Variants in PTPRO observed in about 807,000 individuals in gnomAD.
The protein encoded by PTPRO is receptor-type tyrosine-protein phosphatase O.
PTPRO carries 62 observed loss-of-function variants against 145.2 expected under a neutral mutation model. That is an observed-to-expected ratio of 0.43 (90% CI 0.35 to 0.53). The LOEUF (loss-of-function observed/expected upper bound fraction) is 0.53. PTPRO is among the 20% of genes least tolerant of loss of function. The probability of loss-of-function intolerance (pLI) is 0.01; values close to 1 mark genes in which losing one functional copy is unlikely to be tolerated. For missense variants in PTPRO, 1,345 were observed against 1,482.7 expected, an observed-to-expected ratio of 0.91 and a Z score of 1.53; for synonymous variants, 565 against 514.7, an observed-to-expected ratio of 1.10 and a Z score of -1.32.
intron 1 of PTPRO, among the ~76,000 whole-genome samples, chr12:15,460,110 A>T (rs1313366456): frequency 2.0e-5 from 3 of 152,156 alleles, no homozygotes; most frequent in Admixed American, 2.0e-4. Flanking sequence ...ATACTTCTCA[A>T]TATTTTTGAG....
intron 1 of PTPRO, among the ~76,000 whole-genome samples, chr12:15,365,531 C>A (rs1464140346): frequency 2.0e-5 from 3 of 152,062 alleles, no homozygotes; most frequent in Non-Finnish European, 4.4e-5. Context: ...ACCTACAACA[C>A]AGAGATTGAA....
intron 1 of PTPRO, among the ~76,000 whole-genome samples, chr12:15,404,406 C>A (rs1039644573): frequency 2.0e-5 from 3 of 152,064 alleles, no homozygotes; most frequent in Non-Finnish European, 4.4e-5. Context: ...ATTGGCTATA[C>A]ATAATTTGTC....
chr12:15,344,378 T>G (rs927292456), intron 1 of PTPRO, among the ~76,000 whole-genome samples: 1 of 152,216 alleles, frequency 6.6e-6, no homozygotes, highest in Non-Finnish European at 1.5e-5. Context: ...TAATTCTGGA[T>G]AGCCAAATTC....
At chr12:15,521,815 C>A (rs1167475018) in intron 10 of PTPRO, among the ~76,000 whole-genome samples, 1 of 152,224 alleles carries the variant, frequency 6.6e-6, no homozygotes, top group African/African-American at 2.4e-5. Context: ...GGCTTCCTGG[C>A]TCAAGTGGTT....
chr12:15,419,998 T>A (rs1213912567), intron 1 of PTPRO, among the ~76,000 whole-genome samples: 1 of 151,098 alleles, frequency 6.6e-6, no homozygotes, highest in African/African-American at 2.5e-5. Flanking sequence ...ATACAAAAAA[T>A]TAGCTGGGCG....
intron 19 of PTPRO, among the ~76,000 whole-genome samples, 176 bp from the exon 20 acceptor site, chr12:15,578,677 T>C (rs1944239851): frequency 6.6e-6 from 1 of 152,208 alleles, no homozygotes; most frequent in South Asian, 2.1e-4. Flanking sequence ...ACTTGATTTC[T>C]ATCTAAGATC....
In PTPRO at chr12:15,516,916, A is replaced by G; in HGVS notation, c.1739A>G (p.Tyr580Cys). The G allele has an allele frequency of 3.1e-6, 5 of 1,614,038 alleles. No individual in the cohort carries two copies. In the South Asian group the frequency reaches 3.3e-5, roughly 11 times the overall value. ...ACAATGACATCAGAGTGGACCACCT[A>G]CTATGAAATAGCAGCAACTGTTTCC... The part of the protein sequence containing the change: ...PATMTSEWTT[Y>C]YEIAATVSLT... The change falls in exon 9 of 27, where the codon TAC becomes TGC. Residue 580 changes from tyrosine to cysteine, a missense_variant. This residue lies in a region of PTPRO where 1,130 missense variants were observed against 1,214.7 expected (regional missense o/e 0.93). Transcript: ENST00000281171.
chr12:15,430,205 T>C (rs1344164623), intron 1 of PTPRO, among the ~76,000 whole-genome samples: 1 of 151,088 alleles, frequency 6.6e-6, no homozygotes, highest in Non-Finnish European at 1.5e-5. Flanking sequence ...GAGGAGTCCC[T>C]ACAGAGATAG....
At chr12:15,340,971 T>C (rs926531422) in intron 1 of PTPRO, among the ~76,000 whole-genome samples, 2 of 152,232 alleles carry the variant, frequency 1.3e-5, no homozygotes, top group Non-Finnish European at 2.9e-5. Context: ...AAAGTGTAAA[T>C]AGAAGACATA....
chr12:15,544,275 C>A (rs938413639), intron 12 of PTPRO, among the ~76,000 whole-genome samples: 1 of 151,858 alleles, frequency 6.6e-6, no homozygotes, highest in Non-Finnish European at 1.5e-5. Context: ...GAGGCAGAGG[C>A]AGGCAGATCA....
intron 1 of PTPRO, among the ~76,000 whole-genome samples, chr12:15,414,104 A>G (rs1197739077): frequency 6.6e-6 from 1 of 152,204 alleles, no homozygotes; most frequent in East Asian, 1.9e-4. Flanking sequence ...ATATTTGACT[A>G]ACTTGTCTAA....
At chr12:15,554,001 C>A (rs1218726776) in intron 15 of PTPRO, among the ~76,000 whole-genome samples, 1 of 152,156 alleles carries the variant, frequency 6.6e-6, no homozygotes, top group Admixed American at 6.5e-5. Flanking sequence ...TCGAGACCAG[C>A]CTGACAAACA....
rs137936726 is a variant in PTPRO at position 15,574,315 on chromosome 12, G to T, written c.2830-4538G>T. Among the ~76,000 whole-genome samples, 16 of 152,264 alleles carry T rather than the reference G, an allele frequency of 1.1e-4. No individual in the cohort carries two copies. In the East Asian group the frequency reaches 2.7e-3, roughly 26 times the overall value. On this transcript the variant is annotated intron_variant, in intron 19 of 26. Transcript: ENST00000281171. ...TCTTGGGACCCAGGGATTAAAATAG[G>T]TTCCTCATTTTTTACATTTCACATG...
chr12:15,365,832 G>A (rs548241570), intron 1 of PTPRO, among the ~76,000 whole-genome samples: 1 of 152,112 alleles, frequency 6.6e-6, no homozygotes, highest in South Asian at 2.1e-4. Flanking sequence ...GCACTAAAGG[G>A]CTATGAAGGG....
At chr12:15,370,421 A>T (rs1159176172) in intron 1 of PTPRO, among the ~76,000 whole-genome samples, 1 of 152,216 alleles carries the variant, frequency 6.6e-6, no homozygotes, top group Non-Finnish European at 1.5e-5. Context: ...CATAATTGCA[A>T]ATTAAAACTG....
At chr12:15,395,122 A>G (rs1939299712) in intron 1 of PTPRO, among the ~76,000 whole-genome samples, 1 of 152,224 alleles carries the variant, frequency 6.6e-6, no homozygotes, top group African/African-American at 2.4e-5. Context: ...GAGTATCACA[A>G]TGGGATAAAG....
In PTPRO at chr12:15,557,574, T is replaced by A. The variant is rs369991317; in HGVS notation, c.2627+51T>A. On this transcript the variant is annotated intron_variant, in intron 16 of 26. Coordinates refer to ENST00000281171, the MANE Select transcript of PTPRO (RefSeq NM_030667.3). Reference sequence around the variant, plus strand: ...CTACATAGTTTAACTATGCTGTGTGTGCTCCAAAGTCGATTTTACTATCCT... The same window carrying A: ...CTACATAGTTTAACTATGCTGTGTGAGCTCCAAAGTCGATTTTACTATCCT... 1,654 of 1,540,346 alleles carry A rather than the reference T, an allele frequency of 1.1e-3. 4 individuals are homozygous for A. The highest frequency in any genetic ancestry group is 2.0e-3 in the Middle Eastern group (12 of 5,940).
intron 12 of PTPRO, among the ~76,000 whole-genome samples, chr12:15,539,127 G>C (rs1042031669): frequency 6.6e-6 from 1 of 151,372 alleles, no homozygotes; most frequent in Non-Finnish European, 1.5e-5. Flanking sequence ...TCAGATATTT[G>C]TTTTGAAACT....
chr12:15,382,159 A>AATATATAT (rs144742152), intron 1 of PTPRO, among the ~76,000 whole-genome samples: 2,021 of 145,690 alleles, frequency 0.014, 44 homozygotes, highest in South Asian at 0.069. Flanking sequence ...AAAAGTGAGA[A>AATATATAT]ATATATATAT....
Sources: gnomAD v4.1 joint callset for allele counts (sites outside exome capture counted in the v4.1 genomes callset) on GRCh38, gnomAD v4.1.1 for gene constraint, gnomAD v4.1.1 regional missense constraint, MANE v1.5 for transcripts, NCBI Gene and HGNC (gene_info 2026-07-23, HGNC 2026-07-21) for gene names.